Variants in SWT1 observed in about 807,000 individuals in gnomAD.
The protein encoded by SWT1 is SWT1 RNA endoribonuclease homolog.
Under a neutral mutation model 107.3 loss-of-function variants are expected in SWT1, and 33 were observed. The ratio of observed to expected loss-of-function variants is 0.31; its 90% CI spans 0.23 to 0.41. The LOEUF (loss-of-function observed/expected upper bound fraction) is 0.41. Ranked by LOEUF, SWT1 falls within the 10% of genes least tolerant of loss-of-function variation. The pLI is 1.00. For missense variants in SWT1, 898 were observed against 1,028.9 expected, an observed-to-expected ratio of 0.87 and a Z score of 1.74; for synonymous variants, 345 against 348.3, an observed-to-expected ratio of 0.99 and a Z score of 0.11.
At chr1:185,281,687 A>G (rs1251282587) in intron 18 of SWT1, 1 of 171,630 alleles carries the variant, frequency 5.8e-6, no homozygotes, top group East Asian at 1.6e-4. Context: ...ATCAACAACA[A>G]GATTGCTAAC....
intron 13 of SWT1, among the ~76,000 whole-genome samples, chr1:185,210,433 T>C (rs1313071874): frequency 6.6e-6 from 1 of 152,240 alleles, no homozygotes; most frequent in Non-Finnish European, 1.5e-5. Context: ...TTCAGCTTTC[T>C]GCATATGGCT....
At chr1:185,269,144 G>T (rs1377229315) in intron 16 of SWT1, among the ~76,000 whole-genome samples, 2 of 152,092 alleles carry the variant, frequency 1.3e-5, no homozygotes, top group Admixed American at 1.3e-4. Context: ...GAGCCACCGC[G>T]CCTGGCCTGA....
Position 185,174,369 on chromosome 1 carries a change from C to T in SWT1, c.225-3C>T, listed in dbSNP as rs1655354790. On this transcript the variant is annotated splice_polypyrimidine_tract_variant and splice_region_variant and intron_variant, in intron 4 of 18. Transcript: ENST00000367500. ...TAACCTAGGTTTCTGTGCTGTTTTA[C>T]AGATTGAGTGTAGAAATTGACACTC... The T allele has an allele frequency of 3.9e-6, 6 of 1,531,052 alleles. No individual in the cohort carries two copies. The highest frequency in any genetic ancestry group is 5.2e-6 in the Non-Finnish European group (6 of 1,147,076). The allele number at this position is 1,531,052 out of a possible 1,614,324, so 94.8% of individuals were successfully genotyped here. A position where few individuals can be genotyped will look rare whatever the true frequency, so the allele number is the denominator to read the frequency against.
chr1:185,173,137 A>T (rs1655229914), intron 4 of SWT1, among the ~76,000 whole-genome samples: 1 of 150,992 alleles, frequency 6.6e-6, no homozygotes, highest in Admixed American at 6.6e-5. Context: ...AAAAATGTTT[A>T]TTAGCTGTTT....
In SWT1 at chr1:185,291,365, C is replaced by T. The variant is rs1665240300; in HGVS notation, c.*562C>T. 6.6e-6 allele frequency: 1 copy of T among 152,626 alleles called. No homozygotes were observed. The highest frequency in any genetic ancestry group is 1.5e-5 in the Non-Finnish European group (1 of 68,040). The allele number at this position is 152,626 out of a possible 1,614,324, so 9.5% of individuals were successfully genotyped here. A position where few individuals can be genotyped will look rare whatever the true frequency, so the allele number is the denominator to read the frequency against. Reference sequence around the variant, plus strand: ...GAAAGTAGAAATTTGACTGAAGCTCCTACTTCCTTATACAGCCTTTCCTTC... The same window carrying T: ...GAAAGTAGAAATTTGACTGAAGCTCTTACTTCCTTATACAGCCTTTCCTTC... On this transcript the variant is annotated 3_prime_UTR_variant, in exon 19 of 19. Transcript: ENST00000367500.
intron 16 of SWT1, among the ~76,000 whole-genome samples, chr1:185,250,702 G>A (rs752092125): frequency 6.6e-6 from 1 of 151,576 alleles, no homozygotes; most frequent in East Asian, 1.9e-4. Flanking sequence ...TTGCTGTGTC[G>A]CCCATGCTGG....
intron 16 of SWT1, chr1:185,264,383 G>A: frequency 1.0e-6 from 1 of 985,310 alleles, no homozygotes; most frequent in Non-Finnish European, 1.2e-6. Flanking sequence ...GATGCCTTAT[G>A]AGAAGAGAAC....
intron 13 of SWT1, among the ~76,000 whole-genome samples, chr1:185,207,563 C>T (rs1000232756): frequency 4.6e-5 from 7 of 152,184 alleles, no homozygotes; most frequent in African/African-American, 1.7e-4. Context: ...AGTCTTGAAA[C>T]AGTAAGTGAC....
At chr1:185,171,735 ATT>A in intron 4 of SWT1, 4 of 405,594 alleles carry the variant, frequency 9.9e-6, no homozygotes, top group Admixed American at 2.8e-5. Context: ...CAGAAAGGGC[ATT>A]TTTTTTTTCT....
At chr1:185,257,197 G>T (rs868216647) in intron 16 of SWT1, among the ~76,000 whole-genome samples, 2 of 152,076 alleles carry the variant, frequency 1.3e-5, no homozygotes, top group African/African-American at 2.4e-5. Context: ...TGTCAGACAG[G>T]GACATTTAAG....
At chr1:185,194,737 A>G (rs1358918655) in intron 10 of SWT1, among the ~76,000 whole-genome samples, 2 of 151,894 alleles carry the variant, frequency 1.3e-5, no homozygotes, top group African/African-American at 4.8e-5. Flanking sequence ...TAGCATTTCC[A>G]TTTTATTCTT....
chr1:185,281,504 G>T, intron 18 of SWT1: 1 of 191,074 alleles, frequency 5.2e-6, no homozygotes, highest in South Asian at 9.6e-5. Context: ...AGTAGCGACA[G>T]GCAAGCTACC....
chr1:185,238,065 TAGC>T lies in SWT1; in HGVS notation c.2441+6359_2441+6361del, dbSNP rs554844432. Among the ~76,000 whole-genome samples the T allele has an allele frequency of 1.3e-4, 19 of 151,946 alleles. No homozygotes were observed. The South Asian group carries it at 3.7e-3, about 30-fold the overall frequency. The stretch of plus-strand genomic sequence containing the variant: ...ACAGTGGAGCAATCACGGCTCACTG[TAGC>T]ATCGAATTCCTGAACTCAGGCAGTC... On this transcript the variant is annotated intron_variant, in intron 16 of 18. Transcript: ENST00000367500.
Position 185,174,913 on chromosome 1 carries a change from G to C in SWT1, c.766G>C (p.Asp256His). 2 of 1,613,966 alleles carry C rather than the reference G, an allele frequency of 1.2e-6. No individual in the cohort carries two copies. Among genetic ancestry groups the C allele is most frequent in the Non-Finnish European group, 1.7e-6 (2 of 1,179,982 alleles). ...KLVEENVFNI[D>H]SNNSKTKQEE... Reference sequence around the variant, plus strand: ...TGTAGAAGAAAATGTCTTCAACATAGATTCTAATAATTCGAAGACTAAGCA... The same window carrying C: ...TGTAGAAGAAAATGTCTTCAACATACATTCTAATAATTCGAAGACTAAGCA... The change falls in exon 5 of 19, where the codon GAT becomes CAT. Residue 256 changes from aspartate (D) to histidine (H), a missense_variant. Physicochemically the swap from Asp to His is moderately conservative, Grantham distance 81. Transcript: ENST00000367500.
chr1:185,159,678 A>T (rs934577746), intron 1 of SWT1, among the ~76,000 whole-genome samples: 10 of 152,154 alleles, frequency 6.6e-5, no homozygotes, highest in Admixed American at 1.3e-4. Context: ...GTACCAACCT[A>T]TGCAAGATGT....
intron 16 of SWT1, among the ~76,000 whole-genome samples, chr1:185,238,711 T>C (rs955040634): frequency 1.3e-5 from 2 of 152,118 alleles, no homozygotes; most frequent in African/African-American, 4.8e-5. Context: ...ACTACAAAAT[T>C]GTGAATTTTT....
At chr1:185,289,268 A>G (rs1665117790) in intron 18 of SWT1, among the ~76,000 whole-genome samples, 1 of 152,274 alleles carries the variant, frequency 6.6e-6, no homozygotes, top group Non-Finnish European at 1.5e-5. Context: ...AAATTCTTAC[A>G]TAGCCAACAT....
intron 16 of SWT1, among the ~76,000 whole-genome samples, chr1:185,269,064 G>T (rs1183085937): frequency 6.6e-6 from 1 of 152,082 alleles, no homozygotes; most frequent in Non-Finnish European, 1.5e-5. Flanking sequence ...GTGTTAGCCA[G>T]GATGGTCTCG....
At chr1:185,202,183 T>G (rs1657939879) in intron 10 of SWT1, among the ~76,000 whole-genome samples, 1 of 152,188 alleles carries the variant, frequency 6.6e-6, no homozygotes, top group African/African-American at 2.4e-5. Context: ...CATATTGGCT[T>G]CTTTCAGCAA....
Sources: allele counts gnomAD v4.1 joint callset (sites outside exome capture counted in the v4.1 genomes callset), GRCh38; gene constraint gnomAD v4.1.1; transcripts MANE v1.5; gene names NCBI Gene and HGNC (gene_info 2026-07-23, HGNC 2026-07-21).